MAPK10: variants seen among roughly 807,000 people sequenced by gnomAD.
MAPK10 encodes mitogen-activated protein kinase 10, also known as JNK3 alpha protein kinase.
A neutral mutation model predicts 59.3 loss-of-function variants in MAPK10; 25 were observed. The ratio of observed to expected loss-of-function variants is 0.42; its 90% CI spans 0.31 to 0.59. The LOEUF is 0.59. MAPK10 is among the 20% of genes least tolerant of loss of function. The pLI, the probability that MAPK10 is intolerant of heterozygous loss-of-function variation, is 0.15. For missense variants in MAPK10, 351 were observed against 568.9 expected (o/e 0.62, Z 3.90); for synonymous variants, 190 against 200.5 (o/e 0.95, Z 0.44).
chr4:86,472,085 T>C (rs1752701306), intron 1 of MAPK10, among the ~76,000 whole-genome samples: 2 of 152,212 alleles, frequency 1.3e-5, no homozygotes, highest in African/African-American at 4.8e-5. Flanking sequence ...CAAATTCTAA[T>C]ATTATTTCAG....
rs1741733830 is a variant in MAPK10, at chr4:86,012,701, T to C, written c.*4527A>G. ...CAGAAATGACTTGAACGATTTCAAA[T>C]CCTTATTAAGCATCACTGAGGTTGC... On this transcript the variant is annotated 3_prime_UTR_variant, in exon 14 of 14. Coordinates refer to ENST00000641462, the MANE Select transcript of MAPK10 (RefSeq NM_138982.4). 1 of 152,184 alleles carries C rather than the reference T, an allele frequency of 6.6e-6. No homozygotes were observed. Among genetic ancestry groups the C allele is most frequent in the African/African-American group, 2.4e-5 (1 of 41,454 alleles). 9.4% of individuals were successfully genotyped at this position (152,184 alleles called of 1,614,324 possible).
intron 2 of MAPK10, among the ~76,000 whole-genome samples, chr4:86,264,513 T>C (rs1238976538): frequency 6.6e-6 from 1 of 152,212 alleles, no homozygotes; most frequent in African/African-American, 2.4e-5. Flanking sequence ...TTGCAATTTG[T>C]AAGGCTGCCA....
At chr4:86,142,971 C>A (rs1183674784) in intron 4 of MAPK10, among the ~76,000 whole-genome samples, 1 of 152,142 alleles carries the variant, frequency 6.6e-6, no homozygotes, top group Non-Finnish European at 1.5e-5. Flanking sequence ...TTAGTCCATT[C>A]TCATGCTGCT....
At chr4:86,452,660 T>C (rs2149056207) in intron 1 of MAPK10, among the ~76,000 whole-genome samples, 1 of 152,302 alleles carries the variant, frequency 6.6e-6, no homozygotes, top group South Asian at 2.1e-4. Context: ...GATTTTCCTG[T>C]AAGCTAAGCT....
At chr4:86,042,369 G>A (rs542124510) in intron 11 of MAPK10, among the ~76,000 whole-genome samples, 1 of 152,260 alleles carries the variant, frequency 6.6e-6, no homozygotes, top group Admixed American at 6.5e-5. Flanking sequence ...CATACCTAAT[G>A]CATGCTGGGC....
intron 1 of MAPK10, among the ~76,000 whole-genome samples, chr4:86,521,347 T>C (rs1170492631): frequency 6.6e-6 from 1 of 152,176 alleles, no homozygotes; most frequent in Non-Finnish European, 1.5e-5. Context: ...GGTAGGGCCA[T>C]AGAGCATAGA....
chr4:86,554,763 T>C (rs1178037985), intron 1 of MAPK10, among the ~76,000 whole-genome samples: 1 of 152,182 alleles, frequency 6.6e-6, no homozygotes, highest in Non-Finnish European at 1.5e-5. Context: ...TCCCCTTTAT[T>C]TAACAATTTC....
chr4:86,178,254 A>G (rs1272526975), intron 3 of MAPK10, among the ~76,000 whole-genome samples: 1 of 152,124 alleles, frequency 6.6e-6, no homozygotes, highest in Non-Finnish European at 1.5e-5. Flanking sequence ...GTGGTATTAT[A>G]AAGATAAAAT....
intron 1 of MAPK10, among the ~76,000 whole-genome samples, chr4:86,365,116 C>T (rs6531926): frequency 0.028 from 4,291 of 152,116 alleles, 188 homozygotes; most frequent in African/African-American, 0.099. Context: ...TGGCACTTAC[C>T]GTATTGTATT....
intron 2 of MAPK10, among the ~76,000 whole-genome samples, chr4:86,207,740 T>C (rs1360477727): frequency 6.6e-6 from 1 of 152,250 alleles, no homozygotes; most frequent in Non-Finnish European, 1.5e-5. Flanking sequence ...TGGTTTGTAG[T>C]TCTCCTTGAA....
intron 1 of MAPK10, among the ~76,000 whole-genome samples, chr4:86,543,750 A>G (rs888186506): frequency 1.3e-5 from 2 of 152,172 alleles, no homozygotes; most frequent in Non-Finnish European, 2.9e-5. Context: ...ATTGTGTGGG[A>G]GTCAAGCTGG....
At chr4:86,406,775 C>T (rs962891288) in intron 1 of MAPK10, among the ~76,000 whole-genome samples, 4 of 152,040 alleles carry the variant, frequency 2.6e-5, no homozygotes, top group African/African-American at 4.8e-5. Flanking sequence ...ACAGGAGAAC[C>T]GCCTTAATTA....
intron 2 of MAPK10, among the ~76,000 whole-genome samples, chr4:86,275,784 C>T (rs1242749955): frequency 6.6e-6 from 1 of 152,038 alleles, no homozygotes; most frequent in African/African-American, 2.4e-5. Context: ...TAAAAAACCA[C>T]CTCTTTCAGG....
chr4:86,403,366 A>G lies in MAPK10; in HGVS notation c.-121-48722T>C, dbSNP rs138141514. Reference sequence around the variant, plus strand: ...CCCATCTCTACTAAAAATACAAAAAATTAGCTGGGCGTGGTGGCACCTGCC... The same window carrying G: ...CCCATCTCTACTAAAAATACAAAAAGTTAGCTGGGCGTGGTGGCACCTGCC... On this transcript the variant is annotated intron_variant, in intron 1 of 13. Coordinates refer to the MAPK10 transcript ENST00000361569. 9.8e-3 allele frequency among the ~76,000 whole-genome samples: 1,493 copies of G among 152,224 alleles called. 6 individuals are homozygous for G. Among genetic ancestry groups the G allele is most frequent in the Non-Finnish European group, 0.015 (1,007 of 68,002 alleles).
intron 1 of MAPK10, among the ~76,000 whole-genome samples, chr4:86,461,931 C>T (rs1462674720): frequency 1.3e-5 from 2 of 152,190 alleles, no homozygotes; most frequent in African/African-American, 2.4e-5. Context: ...TGTTAGCATA[C>T]ACCCCCCAAA....
intron 1 of MAPK10, among the ~76,000 whole-genome samples, chr4:86,397,864 C>CAA (rs759585442): frequency 0.011 from 586 of 51,654 alleles, 17 homozygotes; most frequent in African/African-American, 0.019. Flanking sequence ...TCTGCTATGG[C>CAA]AAAAAAAAAA....
chr4:86,546,757 T>C (rs564167172), intron 1 of MAPK10, among the ~76,000 whole-genome samples: 1 of 152,202 alleles, frequency 6.6e-6, no homozygotes, highest in Admixed American at 6.5e-5. Context: ...AAACTCTCAC[T>C]GTAAAAGTTC....
intron 1 of MAPK10, among the ~76,000 whole-genome samples, chr4:86,552,498 A>AGGGG (rs1200025298): frequency 2.1e-4 from 9 of 43,672 alleles, no homozygotes; most frequent in Non-Finnish European, 2.8e-4. Flanking sequence ...GGAGGGAGGG[A>AGGGG]AGGAAAGGAA....
intron 9 of MAPK10, among the ~76,000 whole-genome samples, chr4:86,078,806 A>G (rs897089977): frequency 6.6e-6 from 1 of 152,108 alleles, no homozygotes; most frequent in Admixed American, 6.6e-5. Flanking sequence ...CCTGACCAAC[A>G]TAGAGAAACC....
Sources: gnomAD v4.1 joint callset for allele counts (sites outside exome capture counted in the v4.1 genomes callset) on GRCh38, gnomAD v4.1.1 for gene constraint, MANE v1.5 for transcripts, NCBI Gene and HGNC (gene_info 2026-07-23, HGNC 2026-07-21) for gene names.